The following DCUN1D1 variants were observed in gnomAD, a reference collection of about 807,000 sequenced individuals.
DCUN1D1 encodes the protein DCN1-like protein 1.
DCUN1D1 carries 3 observed loss-of-function variants against 39.0 expected under a neutral mutation model. That is an observed-to-expected ratio of 0.08 (90% CI 0.04 to 0.20). The LOEUF is 0.20. Ranked by LOEUF, DCUN1D1 falls within the 10% of genes least tolerant of loss-of-function variation. The pLI is 1.00. For synonymous variants in DCUN1D1, 82 were observed against 96.3 expected (o/e 0.85, Z 0.87); for missense variants, 158 against 302.4 (o/e 0.52, Z 3.54).
rs1726222077 is a variant in DCUN1D1, at chr3:182,943,221, G to A, written c.*1873C>T. On this transcript the variant is annotated 3_prime_UTR_variant, in exon 7 of 7. Transcript: ENST00000292782. Reference sequence around the variant, plus strand: ...ACCATAACTCAAAATCTTCAAGACAGGAAACAAAACAGTACATATATATAG... The same window carrying A: ...ACCATAACTCAAAATCTTCAAGACAAGAAACAAAACAGTACATATATATAG... The A allele has an allele frequency of 7.0e-6, 1 of 143,210 alleles. No individual in the cohort carries two copies. The highest frequency in any genetic ancestry group is 1.5e-5 in the Non-Finnish European group (1 of 65,978). 8.9% of individuals were successfully genotyped at this position (143,210 alleles called of 1,614,324 possible).
At chr3:182,981,165 C>T (rs891212810), upstream of DCUN1D1, among the ~76,000 whole-genome samples, 1 of 152,072 alleles carries the variant, frequency 6.6e-6, no homozygotes, top group Non-Finnish European at 1.5e-5. Flanking sequence ...CAGGCTCTCC[C>T]CAGACCTGTC....
intron 1 of DCUN1D1, among the ~76,000 whole-genome samples, chr3:182,977,625 G>A (rs901880784): frequency 1.3e-5 from 2 of 151,916 alleles, no homozygotes; most frequent in East Asian, 2.0e-4. Flanking sequence ...TAGTAGAGAC[G>A]GGGTTTCACC....
chr3:182,973,753 G>A (rs1728072446), intron 1 of DCUN1D1, among the ~76,000 whole-genome samples: 1 of 151,154 alleles, frequency 6.6e-6, no homozygotes, highest in African/African-American at 2.4e-5. Flanking sequence ...GCTGCAGTGA[G>A]CTGAAATTGT....
intron 1 of DCUN1D1, among the ~76,000 whole-genome samples, chr3:182,967,006 C>G (rs2108381394): frequency 6.6e-6 from 1 of 152,126 alleles, no homozygotes; most frequent in Middle Eastern, 3.4e-3. Flanking sequence ...ACTCGGGAGG[C>G]TGAGGCAGAA....
chr3:182,955,763 T>C (rs929903405), intron 4 of DCUN1D1: 4 of 303,484 alleles, frequency 1.3e-5, no homozygotes, highest in Middle Eastern at 1.2e-3. Flanking sequence ...GTATTTTTAG[T>C]AGAAACAGGG....
chr3:182,952,680 C>T (rs144380738), intron 4 of DCUN1D1, among the ~76,000 whole-genome samples: 13 of 152,218 alleles, frequency 8.5e-5, no homozygotes, highest in East Asian at 7.7e-4. Flanking sequence ...TAGGTCATTA[C>T]GACAAAAACC....
upstream of DCUN1D1, among the ~76,000 whole-genome samples, chr3:182,982,768 C>A (rs1728599241): frequency 6.6e-6 from 1 of 152,196 alleles, no homozygotes; most frequent in South Asian, 2.1e-4. Context: ...TCAGCCCCCA[C>A]CGAGTAGCTG....
At chr3:182,947,699 C>A in intron 4 of DCUN1D1, 67 bp from the exon 5 acceptor site, 4 of 973,096 alleles carry the variant, frequency 4.1e-6, no homozygotes, top group Admixed American at 2.5e-5. Flanking sequence ...AAATAACAAA[C>A]AAACAAAAAA....
chr3:182,960,411 T>G (rs1727322832), intron 4 of DCUN1D1, among the ~76,000 whole-genome samples: 1 of 152,222 alleles, frequency 6.6e-6, no homozygotes, highest in South Asian at 2.1e-4. Context: ...ACTTCTCTCC[T>G]GCACAAAGCC....
At chr3:182,973,985 G>A (rs774616788) in intron 1 of DCUN1D1, among the ~76,000 whole-genome samples, 2 of 152,150 alleles carry the variant, frequency 1.3e-5, no homozygotes, top group East Asian at 1.9e-4. Flanking sequence ...AGCCGCGCCC[G>A]GCCTTTTAGG....
At chr3:182,974,428 T>C (rs1429380181) in intron 1 of DCUN1D1, among the ~76,000 whole-genome samples, 4 of 151,806 alleles carry the variant, frequency 2.6e-5, no homozygotes, top group African/African-American at 9.7e-5. Flanking sequence ...TCCTTTAACA[T>C]TGTTTTCTAA....
chr3:182,977,143 A>G (rs1197355314), intron 1 of DCUN1D1, among the ~76,000 whole-genome samples: 1 of 152,218 alleles, frequency 6.6e-6, no homozygotes, highest in Non-Finnish European at 1.5e-5. Flanking sequence ...TCTGGATTTC[A>G]TATGAGTTAA....
At chr3:182,953,254 A>C (rs2074461827) in intron 4 of DCUN1D1, among the ~76,000 whole-genome samples, 1 of 152,204 alleles carries the variant, frequency 6.6e-6, no homozygotes, top group Non-Finnish European at 1.5e-5. Context: ...GTGTTTTTGA[A>C]TAAAAAAGGA....
At position 182,947,636 on chromosome 3, in the gene DCUN1D1, A is replaced by C. The variant is rs1726482951; in HGVS notation, c.521-4T>G. 3 of 1,466,206 alleles carry C rather than the reference A, an allele frequency of 2.0e-6. No individual in the cohort carries two copies. The highest frequency in any genetic ancestry group is 1.4e-5 in the African/African-American group (1 of 70,882). 90.8% of individuals were successfully genotyped at this position (1,466,206 alleles called of 1,614,324 possible). A position where few individuals can be genotyped will look rare whatever the true frequency, so the allele number is the denominator to read the frequency against. On this transcript the variant is annotated splice_region_variant and splice_polypyrimidine_tract_variant and intron_variant, in intron 4 of 6. Coordinates refer to ENST00000292782, the MANE Select transcript of DCUN1D1 (RefSeq NM_020640.4). ...TAGGCAATGGCCATTTCTAGATCTG[A>C]AATAGTAAAAATGAATTATGTATTT...
chr3:182,965,457 A>G (rs1727623384), intron 2 of DCUN1D1, 80 bp downstream of exon 2: 6 of 841,160 alleles, frequency 7.1e-6, no homozygotes, highest in Non-Finnish European at 1.1e-5. Flanking sequence ...TAAGTTATAT[A>G]TAGTATTTCA....
intron 4 of DCUN1D1, among the ~76,000 whole-genome samples, chr3:182,958,327 T>C (rs1049062971): frequency 1.3e-5 from 2 of 152,108 alleles, no homozygotes; most frequent in African/African-American, 4.8e-5. Flanking sequence ...GAGCAGAAAG[T>C]AGAGATTTCC....
intron 2 of DCUN1D1, among the ~76,000 whole-genome samples, chr3:182,965,288 A>G (rs1421125030): frequency 6.6e-6 from 1 of 152,192 alleles, no homozygotes; most frequent in Non-Finnish European, 1.5e-5. Context: ...ATATGAGGGC[A>G]GAAAAAACAG....
intron 1 of DCUN1D1, among the ~76,000 whole-genome samples, chr3:182,974,592 A>G (rs77482260): frequency 0.013 from 1,961 of 152,124 alleles, 45 homozygotes; most frequent in African/African-American, 0.046. Flanking sequence ...TGAAAAATAA[A>G]ATCTAATTCT....
chr3:182,963,955 A>G lies in DCUN1D1; in HGVS notation c.315T>C (p.Ile105=), dbSNP rs752151945. 14 of 1,613,972 alleles carry G rather than the reference A, an allele frequency of 8.7e-6. No homozygotes were observed. Among genetic ancestry groups the G allele is most frequent in the African/African-American group, 1.3e-5 (1 of 74,936 alleles). Residue 105 remains isoleucine, a synonymous_variant, in exon 3 of 7, where the codon ATT becomes ATC. Coordinates refer to ENST00000292782, the MANE Select transcript of DCUN1D1 (RefSeq NM_020640.4). ...LDPASISVLI[I]AWKFRAATQC... The stretch of plus-strand genomic sequence containing the variant: ...GTGTTGCTGCTCTGAACTTCCACGC[A>G]ATAATCAACACACTAATGCTGGCTG...
Sources: allele counts gnomAD v4.1 joint callset (sites outside exome capture counted in the v4.1 genomes callset), GRCh38; gene constraint gnomAD v4.1.1; transcripts MANE v1.5; gene names NCBI Gene and HGNC (gene_info 2026-07-23, HGNC 2026-07-21).